Variants in RANBP2 observed in about 807,000 individuals in gnomAD.
RANBP2 encodes the protein E3 SUMO-protein ligase RanBP2.
A neutral mutation model predicts 303.6 loss-of-function variants in RANBP2; 57 were observed. That is an observed-to-expected ratio of 0.19 (90% CI 0.15 to 0.23). RANBP2 has a LOEUF of 0.23. RANBP2 is among the 10% of genes least tolerant of loss of function. The pLI, the probability that RANBP2 is intolerant of heterozygous loss-of-function variation, is 1.00. For synonymous variants in RANBP2, 1,167 were observed against 1,301.5 expected, an observed-to-expected ratio of 0.90 and a Z score of 2.23; for missense variants, 3,138 against 3,780.8, an observed-to-expected ratio of 0.83 and a Z score of 4.46.
the RANBP2 span, among the ~76,000 whole-genome samples, chr2:109,160,921 G>A: frequency 6.6e-6 from 1 of 152,176 alleles, no homozygotes; most frequent in Non-Finnish European, 1.5e-5. Context: ...GGGATTAGAG[G>A]ATTAGAGCCT....
the RANBP2 span, among the ~76,000 whole-genome samples, chr2:109,278,850 C>G: frequency 6.6e-6 from 1 of 152,130 alleles, no homozygotes; most frequent in Admixed American, 6.5e-5. Context: ...AGCCCAGGGT[C>G]AAGTGTGGGG....
the RANBP2 span, among the ~76,000 whole-genome samples, chr2:109,692,097 A>G: frequency 6.6e-6 from 1 of 152,074 alleles, no homozygotes; most frequent in African/African-American, 2.4e-5. Context: ...TCAGTTTTCA[A>G]TTTCTGCCTA....
chr2:108,992,915 G>A, the RANBP2 span, among the ~76,000 whole-genome samples: 1 of 152,302 alleles, frequency 6.6e-6, no homozygotes, highest in Non-Finnish European at 1.5e-5. Flanking sequence ...TAACCTCACA[G>A]GGCTCTGCCC....
the RANBP2 span, among the ~76,000 whole-genome samples, chr2:109,158,449 C>T: frequency 6.6e-6 from 1 of 152,180 alleles, no homozygotes; most frequent in African/African-American, 2.4e-5. Flanking sequence ...GCAGGTTCAG[C>T]TGAGGGCAGG....
chr2:109,366,469 AATGT>A, the RANBP2 span, among the ~76,000 whole-genome samples: 33 of 148,790 alleles, frequency 2.2e-4, no homozygotes, highest in East Asian at 6.2e-3. Context: ...AAAAGGCATG[AATGT>A]ATGTGTGCAT....
intron 1 of RANBP2, among the ~76,000 whole-genome samples, chr2:108,720,997 C>T (rs905931233): frequency 1.3e-5 from 2 of 151,916 alleles, no homozygotes; most frequent in African/African-American, 4.8e-5. Flanking sequence ...TCCAGTGAGC[C>T]GAGATCGCGC....
chr2:109,191,662 C>T, the RANBP2 span, among the ~76,000 whole-genome samples: 3 of 152,142 alleles, frequency 2.0e-5, no homozygotes, highest in East Asian at 1.9e-4. Context: ...GCCACTTGCC[C>T]ATGGCAGTAT....
the RANBP2 span, among the ~76,000 whole-genome samples, chr2:109,078,132 T>A: frequency 1.2e-5 from 1 of 84,308 alleles, no homozygotes; most frequent in Non-Finnish European, 2.4e-5. Context: ...TGTATATATA[T>A]ATAGCGTGTA....
the RANBP2 span, among the ~76,000 whole-genome samples, chr2:109,292,863 G>C: frequency 6.6e-6 from 1 of 152,148 alleles, no homozygotes; most frequent in Non-Finnish European, 1.5e-5. Flanking sequence ...CTCCCCAGTA[G>C]TTGGGATTAC....
the RANBP2 span, among the ~76,000 whole-genome samples, chr2:109,016,994 C>A: frequency 6.6e-6 from 1 of 152,218 alleles, no homozygotes; most frequent in African/African-American, 2.4e-5. Context: ...AGACAGGAAG[C>A]TGACTTCAGA....
At chr2:109,400,468 C>T in the RANBP2 span, among the ~76,000 whole-genome samples, 1 of 152,112 alleles carries the variant, frequency 6.6e-6, no homozygotes, top group African/African-American at 2.4e-5. Context: ...CACACATACA[C>T]ATGTGCACAC....
chr2:108,891,297 T>C, the RANBP2 span, among the ~76,000 whole-genome samples: 1 of 152,230 alleles, frequency 6.6e-6, no homozygotes, highest in African/African-American at 2.4e-5. Flanking sequence ...TGTTGCTTCT[T>C]CTTGTTTTTG....
the RANBP2 span, among the ~76,000 whole-genome samples, chr2:109,529,477 G>T: frequency 6.6e-6 from 1 of 152,224 alleles, no homozygotes; most frequent in Non-Finnish European, 1.5e-5. Context: ...CGGGGAAGGA[G>T]ATAGCACGGC....
At chr2:108,720,475 T>G (rs1260663141) in intron 1 of RANBP2, among the ~76,000 whole-genome samples, 2 of 152,248 alleles carry the variant, frequency 1.3e-5, no homozygotes, top group African/African-American at 4.8e-5. Context: ...GTGATCTATT[T>G]TGGATTCAAT....
At chr2:109,715,195 G>A in the RANBP2 span, among the ~76,000 whole-genome samples, 5 of 151,926 alleles carry the variant, frequency 3.3e-5, no homozygotes, top group Non-Finnish European at 7.4e-5. Flanking sequence ...TCGAACTCCT[G>A]ACCTGAGGTG....
the RANBP2 span, chr2:109,129,147 C>G: frequency 2.6e-6 from 1 of 387,722 alleles, no homozygotes; most frequent in Non-Finnish European, 5.0e-6. Context: ...GGGACCTGGC[C>G]GGCCGCTGCC....
chr2:109,521,577 G>C, the RANBP2 span, among the ~76,000 whole-genome samples: 1 of 152,214 alleles, frequency 6.6e-6, no homozygotes, highest in Non-Finnish European at 1.5e-5. Flanking sequence ...GCGGTCCCGA[G>C]ATTTCACTCT....
the RANBP2 span, among the ~76,000 whole-genome samples, chr2:109,365,560 C>G: frequency 1.3e-5 from 2 of 152,172 alleles, no homozygotes; most frequent in Non-Finnish European, 2.9e-5. Context: ...CAGCTTCTTA[C>G]GTTCTAGACT....
chr2:109,436,935 C>T, the RANBP2 span: 12 of 1,613,528 alleles, frequency 7.4e-6, no homozygotes, highest in Admixed American at 5.0e-5. Context: ...ATAATGTAGT[C>T]GGAGGGTCTC....
Sources: gnomAD v4.1 joint callset for allele counts (sites outside exome capture counted in the v4.1 genomes callset) on GRCh38, gnomAD v4.1.1 for gene constraint, MANE v1.5 for transcripts, NCBI Gene and HGNC (gene_info 2026-07-23, HGNC 2026-07-21) for gene names.